KIF24: variants seen among roughly 807,000 people sequenced by gnomAD.
KIF24 encodes kinesin-like protein KIF24.
In KIF24, 81 loss-of-function variants were observed where a neutral mutation model predicts 118.9. That is an observed-to-expected ratio of 0.68 (90% CI 0.57 to 0.82). The LOEUF is 0.82. Ranked by LOEUF, KIF24 falls within the 40% of genes least tolerant of loss-of-function variation. KIF24 has a pLI of 0.00. For synonymous variants in KIF24, 599 were observed against 610.0 expected (o/e 0.98, Z 0.27); for missense variants, 1,560 against 1,661.6 (o/e 0.94, Z 1.06).
intron 4 of KIF24, among the ~76,000 whole-genome samples, chr9:34,291,842 C>T (rs915993130): frequency 6.6e-6 from 1 of 152,028 alleles, no homozygotes; most frequent in South Asian, 2.1e-4. Flanking sequence ...CTCAGGACCC[C>T]GAACTCACTA....
intron 1 of KIF24, among the ~76,000 whole-genome samples, chr9:34,322,563 CT>C (rs1837557618): frequency 6.6e-6 from 1 of 152,006 alleles, no homozygotes; most frequent in Non-Finnish European, 1.5e-5. Flanking sequence ...CTATTAGAAA[CT>C]GATACAAGGC....
chr9:34,288,808 G>C (rs535247358), intron 5 of KIF24, among the ~76,000 whole-genome samples: 8 of 150,910 alleles, frequency 5.3e-5, no homozygotes, highest in Non-Finnish European at 1.2e-4. Flanking sequence ...AATGCGTTCA[G>C]AAAGAGCTAG....
chr9:34,266,418 C>A lies in KIF24; in HGVS notation c.1443+2839G>T, dbSNP rs533154761. The stretch of plus-strand genomic sequence containing the variant: ...GCTCAACCAGGCGCGGTGGCTCATG[C>A]CTGTAATCCCAGCACTTTGGAAGGC... On this transcript the variant is annotated intron_variant, in intron 8 of 12. Coordinates refer to ENST00000402558, the MANE Select transcript of KIF24 (RefSeq NM_194313.4). Among the ~76,000 whole-genome samples the A allele has an allele frequency of 2.0e-5, 3 of 152,212 alleles. No homozygotes were observed. The South Asian group carries it at 6.2e-4, about 32-fold the overall frequency.
intron 7 of KIF24, 46 bp from the exon 8 acceptor site, chr9:34,269,408 T>C (rs1387492663): frequency 1.2e-6 from 1 of 850,798 alleles, no homozygotes. Flanking sequence ...AGCTTTATTT[T>C]ATTTTATTTT....
chr9:34,311,156 A>G lies in KIF24; in HGVS notation c.191T>C (p.Met64Thr). 1.2e-6 allele frequency: 2 copies of G among 1,613,486 alleles called. No individual in the cohort carries two copies. The highest frequency in any genetic ancestry group is 1.7e-6 in the Non-Finnish European group (2 of 1,179,500). ...LFQLIKIIKI[M>T]QEEDKAVSIP... is the part of the protein sequence containing the mutation. ...ACTGACTGCTTTATCTTCTTCTTGC[A>G]TAATCTTAATAATTTTGATAAGTTG... is the stretch of plus-strand genomic sequence containing the variant. The change falls in exon 2 of 13, where the codon ATG becomes ACG. Residue 64 changes from methionine (M) to threonine (T), a missense_variant. By Grantham distance (81) the Met-to-Thr change is moderately conservative (BLOSUM62 -1). Coordinates refer to ENST00000402558, the MANE Select transcript of KIF24 (RefSeq NM_194313.4).
chr9:34,303,423 G>A (rs990771569), intron 3 of KIF24, among the ~76,000 whole-genome samples: 1 of 152,310 alleles, frequency 6.6e-6, no homozygotes, highest in Non-Finnish European at 1.5e-5. Flanking sequence ...TTATTAAACA[G>A]ATGCTTTTAT....
At chr9:34,279,423 T>G (rs992801584) in intron 6 of KIF24, among the ~76,000 whole-genome samples, 2 of 152,230 alleles carry the variant, frequency 1.3e-5, no homozygotes, top group Non-Finnish European at 2.9e-5. Flanking sequence ...GGTATAGGAA[T>G]GACTGTAAAA....
rs1424262243 is a variant in KIF24 at position 34,254,261 on chromosome 9, G to T, written c.*119C>A. 1.7e-6 allele frequency: 2 copies of T among 1,181,740 alleles called. No individual in the cohort carries two copies. The highest frequency in any genetic ancestry group is 1.1e-6 in the Non-Finnish European group (1 of 877,138). 73.2% of individuals were successfully genotyped at this position (1,181,740 alleles called of 1,614,324 possible). On this transcript the variant is annotated 3_prime_UTR_variant, in exon 13 of 13. Coordinates refer to ENST00000402558, the MANE Select transcript of KIF24 (RefSeq NM_194313.4). ...GTGGGGCTGGGGTGACGCTAGCATA[G>T]GCAGGACCAGCGTGTGGGTTCTGGT... is the stretch of plus-strand genomic sequence containing the variant.
chr9:34,266,593 G>A (rs373258220), intron 8 of KIF24, among the ~76,000 whole-genome samples: 17 of 151,374 alleles, frequency 1.1e-4, no homozygotes, highest in African/African-American at 3.6e-4. Flanking sequence ...CAGGAGAATC[G>A]CTTGAACCTA....
At chr9:34,320,922 G>A (rs1837500058) in intron 1 of KIF24, among the ~76,000 whole-genome samples, 2 of 152,112 alleles carry the variant, frequency 1.3e-5, no homozygotes, top group Non-Finnish European at 2.9e-5. Flanking sequence ...AGCTATATCT[G>A]CATTGTTCAA....
At position 34,257,135 on chromosome 9, in the gene KIF24, A is replaced by C; in HGVS notation, c.2472T>G (p.Asp824Glu). 1 of 1,614,062 alleles carries C rather than the reference A, an allele frequency of 6.2e-7. No individual in the cohort carries two copies. The highest frequency in any genetic ancestry group is 1.1e-5 in the South Asian group (1 of 91,092). Reference protein sequence around the residue: ...NHDGAQVEELDDSDFSEDSFS... With the variant: ...NHDGAQVEELEDSDFSEDSFS... ...AAGAATCTTCACTGAAATCACTGTC[A>C]TCAAGTTCCTCTACTTGGGCTCCAT... Residue 824 changes from aspartate (D) to glutamate (E), a missense_variant, in exon 11 of 13, where the codon GAT (aspartate) becomes GAG (glutamate). Coordinates refer to ENST00000402558, the MANE Select transcript of KIF24 (RefSeq NM_194313.4).
chr9:34,293,146 C>CA (rs1221228691), intron 4 of KIF24, among the ~76,000 whole-genome samples: 3 of 151,820 alleles, frequency 2.0e-5, no homozygotes, highest in Non-Finnish European at 1.5e-5. Context: ...CAACAAAGCA[C>CA]AAAAAAATGG....
At chr9:34,278,744 G>A (rs1835744881) in intron 6 of KIF24, among the ~76,000 whole-genome samples, 1 of 152,080 alleles carries the variant, frequency 6.6e-6, no homozygotes, top group Non-Finnish European at 1.5e-5. Context: ...AAACTCTGTT[G>A]GGCAAGTTTC....
chr9:34,278,351 G>A (rs766757743), intron 6 of KIF24, among the ~76,000 whole-genome samples: 6 of 152,138 alleles, frequency 3.9e-5, no homozygotes, highest in African/African-American at 7.2e-5. Context: ...CAGAGGTTGC[G>A]GTGAGTCAAG....
chr9:34,309,018 C>T (rs568317780), intron 2 of KIF24, among the ~76,000 whole-genome samples: 1 of 151,990 alleles, frequency 6.6e-6, no homozygotes, highest in South Asian at 2.1e-4. Context: ...GAGTTTGAGG[C>T]CCCAGTGGAC....
At chr9:34,264,551 G>A (rs935021910) in intron 8 of KIF24, among the ~76,000 whole-genome samples, 12 of 152,046 alleles carry the variant, frequency 7.9e-5, no homozygotes, top group African/African-American at 1.7e-4. Context: ...ACAGATGCCC[G>A]CAACTGCCCT....
Position 34,290,288 on chromosome 9 carries a change from T to C in KIF24, c.1013A>G (p.Lys338Arg), listed in dbSNP as rs201627527. 53 of 1,613,364 alleles carry C rather than the reference T, an allele frequency of 3.3e-5. No homozygotes were observed. The highest frequency in any genetic ancestry group is 1.3e-5 in the African/African-American group (1 of 74,940). The change falls in exon 5 of 13, where the codon AAA (lysine) becomes AGA (arginine). Residue 338 changes from lysine (K) to arginine (R), a missense_variant. Physicochemically the swap from Lys to Arg is conservative, Grantham distance 26. Around this residue, in one of 3 missense-constraint regions of KIF24, gnomAD observed 964 missense variants for 988.0 expected, o/e 0.98. Transcript: ENST00000402558. ...ENPGLYALAA[K>R]DIFRQLEVSQ... ...CACTTCTAGTTGCCTGAAGATATCT[T>C]TGGCAGCTAGAGCATACAATCCTGG...
chr9:34,302,285 C>G (rs899513691), intron 3 of KIF24, among the ~76,000 whole-genome samples: 3 of 151,748 alleles, frequency 2.0e-5, no homozygotes, highest in Non-Finnish European at 4.4e-5. Context: ...GTAATGCCAG[C>G]GCGGTGCCTG....
rs996730051 is a variant in KIF24 at position 34,255,789 on chromosome 9, C to G, written c.3818G>C (p.Ser1273Thr). The G allele has an allele frequency of 3.7e-6, 6 of 1,613,874 alleles. No homozygotes were observed. Among genetic ancestry groups the G allele is most frequent in the African/African-American group, 2.7e-5 (2 of 75,056 alleles). The stretch of plus-strand genomic sequence containing the variant: ...TGTCCCTGCAGTCTTGGGAGAGCAG[C>G]TGGGAACCAAGGGAGAACTTGGCCT... The part of the protein sequence containing the change: ...LARPSSPLVP[S>T]CSPKTAGTLR... The change falls in exon 11 of 13, where the codon AGC becomes ACC. Residue 1273 changes from serine (S) to threonine (T), a missense_variant. Coordinates refer to ENST00000402558, the MANE Select transcript of KIF24 (RefSeq NM_194313.4).
Sources: allele counts gnomAD v4.1 joint callset (sites outside exome capture counted in the v4.1 genomes callset), GRCh38; gene constraint gnomAD v4.1.1; regional missense constraint gnomAD v4.1.1; transcripts MANE v1.5; gene names NCBI Gene and HGNC (gene_info 2026-07-23, HGNC 2026-07-21).